Variants in WFDC10B observed in about 807,000 individuals in gnomAD.
WFDC10B encodes the protein WAP four-disulfide core domain 10B.
A neutral mutation model predicts 2.7 loss-of-function variants in WFDC10B; 1 was observed. The observed-to-expected ratio is 0.38, with a 90% confidence interval of 0.13 to 1.79. The LOEUF is 1.79. Among genes scored for constraint, WFDC10B ranks in the 40% most tolerant of loss-of-function variants. The pLI, the probability that WFDC10B is intolerant of heterozygous loss-of-function variation, is 0.33. For synonymous variants in WFDC10B, 26 were observed against 32.2 expected (o/e 0.81, Z 0.65); for missense variants, 71 against 87.8 (o/e 0.81, Z 0.76).
intron 2 of WFDC10B, among the ~76,000 whole-genome samples, chr20:45,688,207 T>C (rs1329365656): frequency 1.3e-5 from 2 of 152,032 alleles, no homozygotes; most frequent in African/African-American, 4.8e-5. Context: ...CATGAACTCA[T>C]CATTTTTTAT....
intron 2 of WFDC10B, among the ~76,000 whole-genome samples, chr20:45,698,585 A>C (rs899046646): frequency 2.6e-5 from 4 of 151,878 alleles, no homozygotes; most frequent in Admixed American, 2.6e-4. Flanking sequence ...AGAAAAAAAA[A>C]AAAAAACCCA....
intron 2 of WFDC10B, among the ~76,000 whole-genome samples, chr20:45,689,092 T>C (rs1307822136): frequency 2.7e-5 from 4 of 148,402 alleles, no homozygotes; most frequent in African/African-American, 7.6e-5. Context: ...ATTTATTAAA[T>C]AGGGAATCCT....
chr20:45,691,086 G>A (rs1167199722), intron 2 of WFDC10B, among the ~76,000 whole-genome samples: 5 of 151,954 alleles, frequency 3.3e-5, no homozygotes, highest in South Asian at 4.2e-4. Context: ...CCTTCATTTC[G>A]TTATGTACCC....
intron 2 of WFDC10B, among the ~76,000 whole-genome samples, chr20:45,689,581 G>A (rs565845025): frequency 7.2e-5 from 11 of 152,202 alleles, no homozygotes; most frequent in Non-Finnish European, 1.2e-4. Context: ...GGATTCCTAG[G>A]TATTTTATTC....
chr20:45,700,407 C>A (rs1313324779), intron 2 of WFDC10B, among the ~76,000 whole-genome samples: 1 of 152,118 alleles, frequency 6.6e-6, no homozygotes, highest in Admixed American at 6.5e-5. Flanking sequence ...ATGAGAAAGA[C>A]AAGTTACAGG....
chr20:45,704,882 G>A lies in WFDC10B; in HGVS notation c.-130+36C>T, dbSNP rs79455088. 3,506 of 1,604,610 alleles carry A rather than the reference G, an allele frequency of 2.2e-3. 65 individuals carry two copies. The African/African-American group carries it at 0.041, about 19-fold the overall frequency. ...TGCCTTTATCCACAGACCTTCCCCC[G>A]ACCCAGAATCCACCCTTATCCCAGG... On this transcript the variant is annotated intron_variant, in intron 1 of 3. Transcript: ENST00000330523.
chr20:45,696,285 CAAAAA>C (rs368423161), intron 2 of WFDC10B, among the ~76,000 whole-genome samples: 2 of 48,206 alleles, frequency 4.1e-5, no homozygotes, highest in African/African-American at 7.6e-5. Flanking sequence ...GACTCCGTCT[CAAAAA>C]AAAAAAAAAA....
chr20:45,698,962 C>A (rs1600963367), intron 2 of WFDC10B, among the ~76,000 whole-genome samples: 2 of 57,082 alleles, frequency 3.5e-5, no homozygotes, highest in Admixed American at 2.1e-4. Context: ...AGTGAGAATC[C>A]ATCTAAAAAA....
chr20:45,686,326 AAAG>A (rs1186111863), intron 2 of WFDC10B, among the ~76,000 whole-genome samples: 8 of 152,236 alleles, frequency 5.3e-5, no homozygotes, highest in Non-Finnish European at 2.9e-5. Context: ...GGAAAAAAGA[AAAG>A]AAGAAATATA....
At chr20:45,687,460 C>T (rs1244838939) in intron 2 of WFDC10B, among the ~76,000 whole-genome samples, 2 of 152,122 alleles carry the variant, frequency 1.3e-5, no homozygotes, top group Admixed American at 1.3e-4. Context: ...GTGAATAGTG[C>T]TGCAATGAAC....
chr20:45,690,745 G>T (rs1445801197), intron 2 of WFDC10B, among the ~76,000 whole-genome samples: 1 of 151,374 alleles, frequency 6.6e-6, no homozygotes, highest in African/African-American at 2.4e-5. Flanking sequence ...TATTAGTCTT[G>T]CTAGTGGTCT....
At chr20:45,702,114 C>T in intron 2 of WFDC10B, 2 of 1,611,978 alleles carry the variant, frequency 1.2e-6, no homozygotes, top group South Asian at 2.2e-5. Context: ...TCACCCATCC[C>T]ACTGACACCA....
At chr20:45,704,148 T>C (rs1323107317) in intron 2 of WFDC10B, among the ~76,000 whole-genome samples, 2 of 152,248 alleles carry the variant, frequency 1.3e-5, no homozygotes, top group East Asian at 3.8e-4. Context: ...ACCCTTGATA[T>C]GGACACAACC....
At chr20:45,703,610 G>A (rs1485965095) in intron 2 of WFDC10B, among the ~76,000 whole-genome samples, 1 of 152,100 alleles carries the variant, frequency 6.6e-6, no homozygotes, top group African/African-American at 2.4e-5. Flanking sequence ...GGATTAATGG[G>A]GCCCATCTTT....
Position 45,697,780 on chromosome 20 carries a change from G to A in WFDC10B, c.-65+6717C>T, listed in dbSNP as rs571428393. On this transcript the variant is annotated intron_variant, in intron 2 of 3. Transcript: ENST00000330523. ...TTTTTTTGAGATGGAGTCTCGTTCC[G>A]TCACCCAGGCTGGAGTGCAGTGGCG... 1.1e-4 allele frequency among the ~76,000 whole-genome samples: 15 copies of A among 133,008 alleles called. No individual in the cohort carries two copies. In the South Asian group the frequency reaches 1.6e-3, roughly 14 times the overall value. The allele number at this position is 133,008 out of a possible 152,430, so 87.3% of individuals were successfully genotyped here. A position where few individuals can be genotyped will look rare whatever the true frequency, so the allele number is the denominator to read the frequency against.
Position 45,688,589 on chromosome 20 carries a change from C to T in WFDC10B, c.-64-2533G>A, listed in dbSNP as rs568230582. On this transcript the variant is annotated intron_variant, in intron 2 of 3. Transcript: ENST00000330523. ...GTTTTGATTTGCATTTCTCTGATGGCCAGTGATGGTGAGCATTTTTTCATG... is the reference window on the plus strand; with the variant it reads ...GTTTTGATTTGCATTTCTCTGATGGTCAGTGATGGTGAGCATTTTTTCATG... Among the ~76,000 whole-genome samples the T allele has an allele frequency of 4.6e-5, 7 of 152,146 alleles. No individual in the cohort carries two copies. In the East Asian group the frequency reaches 1.4e-3, roughly 30 times the overall value.
intron 2 of WFDC10B, among the ~76,000 whole-genome samples, chr20:45,702,608 G>A (rs1247096712): frequency 5.9e-5 from 9 of 152,212 alleles, no homozygotes; most frequent in Admixed American, 5.2e-4. Context: ...GAGAGACAAC[G>A]AAGTTGGTAG....
chr20:45,700,034 T>A (rs1397042730), intron 2 of WFDC10B, among the ~76,000 whole-genome samples: 1 of 152,168 alleles, frequency 6.6e-6, no homozygotes, highest in Admixed American at 6.6e-5. Flanking sequence ...ATATTATACC[T>A]CCAACAATAC....
At chr20:45,690,641 G>A (rs889667096) in intron 2 of WFDC10B, among the ~76,000 whole-genome samples, 1 of 152,100 alleles carries the variant, frequency 6.6e-6, no homozygotes, top group Non-Finnish European at 1.5e-5. Flanking sequence ...GGTGTTTGTA[G>A]TATTATCTGA....
Sources: gnomAD v4.1 joint callset for allele counts (sites outside exome capture counted in the v4.1 genomes callset) on GRCh38, gnomAD v4.1.1 for gene constraint, MANE v1.5 for transcripts, NCBI Gene and HGNC (gene_info 2026-07-23, HGNC 2026-07-21) for gene names.